The following RNF207 variants were observed in gnomAD, a reference collection of about 807,000 sequenced individuals.
RNF207 encodes ring finger protein 207.
Under a neutral mutation model 79.0 loss-of-function variants are expected in RNF207, and 72 were observed. The observed-to-expected ratio is 0.91, with a 90% confidence interval of 0.75 to 1.11. The LOEUF (loss-of-function observed/expected upper bound fraction) is 1.11. Ranked by LOEUF, RNF207 falls within the 50% of genes least tolerant of loss-of-function variation. The pLI, the probability that RNF207 is intolerant of heterozygous loss-of-function variation, is 0.00. For missense variants in RNF207, 936 were observed against 855.8 expected (o/e 1.09, Z -1.17); for synonymous variants, 348 against 366.2 (o/e 0.95, Z 0.57).
At position 6,211,862 on chromosome 1, in the gene RNF207, C is replaced by T; in HGVS notation, c.1110-5C>T. The T allele has an allele frequency of 6.5e-7, 1 of 1,547,200 alleles. No individual in the cohort carries two copies. Among genetic ancestry groups the T allele is most frequent in the Non-Finnish European group, 8.7e-7 (1 of 1,145,898 alleles). ...CCCCTGCATCCACACTGGCTCTCTC[C>T]CCAGGCTGGCAGGGGGCTTAGGCCC... On this transcript the variant is annotated splice_region_variant and splice_polypyrimidine_tract_variant and intron_variant, in intron 12 of 17. Transcript: ENST00000377939. This position sits in a 1 kb window ranked among gnomAD's most constrained non-coding sequence, Gnocchi z 4.2.
intron 7 of RNF207, 37 bp downstream of exon 7, chr1:6,209,576 G>T (rs1400030934): frequency 1.4e-6 from 2 of 1,431,742 alleles, no homozygotes; most frequent in Admixed American, 3.1e-5. Context: ...CGACCCAGCC[G>T]GGACCTGGTG....
At chr1:6,218,483 C>A in intron 17 of RNF207, 114 bp downstream of exon 17, 2 of 734,008 alleles carry the variant, frequency 2.7e-6, no homozygotes, top group Non-Finnish European at 4.5e-6. Context: ...GGGGCCCTGG[C>A]TGGGCCTCTT....
At chr1:6,206,816 A>T in intron 2 of RNF207, 90 bp downstream of exon 2, 1 of 1,071,620 alleles carries the variant, frequency 9.3e-7, no homozygotes, top group South Asian at 1.5e-5. Context: ...AGGTGCCAGG[A>T]GAGTAAGGCT....
intron 14 of RNF207, 64 bp downstream of exon 14, chr1:6,212,480 A>T: frequency 6.7e-7 from 1 of 1,485,954 alleles, no homozygotes; most frequent in Non-Finnish European, 9.2e-7. Context: ...CTACCCTAAG[A>T]CAGTAAGCGG....
At chr1:6,213,240 G>A (rs765249400) in intron 16 of RNF207, 57 bp downstream of exon 16, 1 of 1,170,528 alleles carries the variant, frequency 8.5e-7, no homozygotes. Context: ...GTGCATGGGG[G>A]CTGGGTGCGG....
In RNF207 at chr1:6,206,638, C is replaced by A; in HGVS notation, c.103C>A (p.Pro35Thr). The change falls in exon 2 of 18, where the codon CCG (proline) becomes ACG (threonine). Residue 35 changes from proline (P) to threonine (T), a missense_variant. Transcript: ENST00000377939. Reference protein sequence around the residue: ...CPLCHVQYERPCLLDCFHDFC... With the variant: ...CPLCHVQYERTCLLDCFHDFC... ...GCTGTGCCACGTGCAGTACGAGCGCCCGTGTCTTCTGGACTGTTTCCACGA... is the reference window on the plus strand; with the variant it reads ...GCTGTGCCACGTGCAGTACGAGCGCACGTGTCTTCTGGACTGTTTCCACGA... 1.2e-6 allele frequency: 2 copies of A among 1,608,284 alleles called. No homozygotes were observed. The highest frequency in any genetic ancestry group is 1.7e-6 in the Non-Finnish European group (2 of 1,179,852).
intron 6 of RNF207, 32 bp from the exon 7 acceptor site, chr1:6,209,382 C>A: frequency 1.3e-6 from 2 of 1,524,738 alleles, no homozygotes; most frequent in South Asian, 1.2e-5. Flanking sequence ...CGCGCGGCGG[C>A]GATCGCGAGC....
chr1:6,210,246 C>A lies in RNF207; in HGVS notation c.824C>A (p.Ala275Asp), dbSNP rs148563561. 19 of 1,613,694 alleles carry A rather than the reference C, an allele frequency of 1.2e-5. No homozygotes were observed. In the South Asian group the frequency reaches 1.4e-4, roughly 12 times the overall value. ...AGCCAATACGAAGAGAAGGACAAGG[C>A]CTTCAAGGAGCAGCTCTCTCACTTG... ...VQSQYEEKDKAFKEQLSHLAT... is the reference protein window; with the variant it reads ...VQSQYEEKDKDFKEQLSHLAT... Residue 275 changes from alanine to aspartate, a missense_variant, in exon 9 of 18, where the codon GCC (alanine) becomes GAC (aspartate). Transcript: ENST00000377939.
chr1:6,209,274 C>G lies in RNF207; in HGVS notation c.558C>G (p.Ser186Arg). ...IRCFRDMQKE[S>R]RAHCVDLESA... Reference sequence around the variant, plus strand: ...CACCCGCCGCCTTCTGCAGGGAGAGCCGGGCACACTGCGTGGACCTGGAAT... The same window carrying G: ...CACCCGCCGCCTTCTGCAGGGAGAGGCGGGCACACTGCGTGGACCTGGAAT... The change falls in exon 6 of 18, where the codon AGC (serine) becomes AGG (arginine). Residue 186 changes from serine (S) to arginine (R), a missense_variant. Physicochemically the swap from Ser to Arg is moderately radical, Grantham distance 110 (BLOSUM62 -1). Transcript: ENST00000377939. 1 of 1,549,104 alleles carries G rather than the reference C, an allele frequency of 6.5e-7. No homozygotes were observed. The highest frequency in any genetic ancestry group is 1.2e-5 in the South Asian group (1 of 84,040).
At position 6,219,256 on chromosome 1, in the gene RNF207, C is replaced by T. The variant is rs200882245; in HGVS notation, c.1754C>T (p.Pro585Leu). ...TTTAGGAATAATCCAGGAAGTGTCC[C>T]GGAAAAGAGAGAGAAGACATCAGAG... The part of the protein sequence containing the change: ...ASARNNPGSV[P>L]EKREKTSEPK... The change falls in exon 18 of 18, where the codon CCG (proline) becomes CTG (leucine). Residue 585 changes from proline to leucine, a missense_variant. Coordinates refer to ENST00000377939, the MANE Select transcript of RNF207 (RefSeq NM_207396.3). 2,854 of 1,610,812 alleles carry T rather than the reference C, an allele frequency of 1.8e-3. 3 individuals are homozygous for T. Among genetic ancestry groups the T allele is most frequent in the Non-Finnish European group, 2.2e-3 (2,605 of 1,178,664 alleles).
At chr1:6,209,239 G>C (rs77916877) in intron 5 of RNF207, 29 bp from the exon 6 acceptor site, 1 of 1,549,796 alleles carries the variant, frequency 6.5e-7, no homozygotes, top group Non-Finnish European at 8.7e-7. Flanking sequence ...GGGGCCGCTG[G>C]AGCGGGCCTC....
At position 6,207,623 on chromosome 1, in the gene RNF207, T is replaced by C. The variant is rs751966632; in HGVS notation, c.324+112T>C. ...CAGAGGACGACCTGGCAGTGGATTC[T>C]CCAGCACCTCCCTAGGGCACCTTGG... is the stretch of plus-strand genomic sequence containing the variant. On this transcript the variant is annotated intron_variant, in intron 3 of 17. Coordinates refer to ENST00000377939, the MANE Select transcript of RNF207 (RefSeq NM_207396.3). This position sits in a 1 kb window ranked among gnomAD's most constrained non-coding sequence, Gnocchi z 4.5. The C allele has an allele frequency of 2.0e-4, 245 of 1,228,910 alleles. No individual in the cohort carries two copies. Among genetic ancestry groups the C allele is most frequent in the Admixed American group, 4.7e-4 (24 of 50,598 alleles). 76.1% of individuals were successfully genotyped at this position (1,228,910 alleles called of 1,614,324 possible). A position where few individuals can be genotyped will look rare whatever the true frequency, so the allele number is the denominator to read the frequency against.
rs1272572572 is a variant in RNF207 at position 6,211,076 on chromosome 1, T to A, written c.1067T>A (p.Leu356Gln). 1.9e-6 allele frequency: 3 copies of A among 1,606,038 alleles called. No homozygotes were observed. Among genetic ancestry groups the A allele is most frequent in the Non-Finnish European group, 2.5e-6 (3 of 1,179,034 alleles). The change falls in exon 12 of 18, where the codon CTG (leucine) becomes CAG (glutamine). Residue 356 changes from leucine (L) to glutamine (Q), a missense_variant. Leu to Gln is a moderately radical substitution (Grantham distance 113). Coordinates refer to ENST00000377939, the MANE Select transcript of RNF207 (RefSeq NM_207396.3). The surrounding 1 kb of genome is among the most constrained non-coding windows in gnomAD (Gnocchi z 4.2). ...FARCLEPLLL[L>Q]GPRRVAAAAS... Reference sequence around the variant, plus strand: ...CGCTGTCTGGAGCCACTGCTGCTGCTGGGGCCACGTCGGGTGGCAGCTGCT... The same window carrying A: ...CGCTGTCTGGAGCCACTGCTGCTGCAGGGGCCACGTCGGGTGGCAGCTGCT...
chr1:6,214,566 C>G (rs1473925163), intron 16 of RNF207, among the ~76,000 whole-genome samples: 2 of 148,498 alleles, frequency 1.3e-5, no homozygotes, highest in Non-Finnish European at 3.0e-5. Flanking sequence ...ACACGCCTGG[C>G]TAATTTTTGT....
chr1:6,207,580 A>C lies in RNF207; in HGVS notation c.324+69A>C, dbSNP rs773684928. 51 of 1,503,020 alleles carry C rather than the reference A, an allele frequency of 3.4e-5. No individual in the cohort carries two copies. Among genetic ancestry groups the C allele is most frequent in the Non-Finnish European group, 4.5e-5 (50 of 1,110,244 alleles). 93.1% of individuals were successfully genotyped at this position (1,503,020 alleles called of 1,614,324 possible). On this transcript the variant is annotated intron_variant, in intron 3 of 17. Transcript: ENST00000377939. The surrounding 1 kb of genome is among the most constrained non-coding windows in gnomAD (Gnocchi z 4.5). Reference sequence around the variant, plus strand: ...GTTGCACAGTCCCCAATGCTTGCACATGCACTCAGCATGTCTTCAGAGGAC... The same window carrying C: ...GTTGCACAGTCCCCAATGCTTGCACCTGCACTCAGCATGTCTTCAGAGGAC...
intron 16 of RNF207, among the ~76,000 whole-genome samples, chr1:6,214,982 A>G (rs1477363701): frequency 1.4e-5 from 2 of 148,054 alleles, no homozygotes; most frequent in Non-Finnish European, 3.0e-5. Flanking sequence ...CTATTGTTGG[A>G]TATTGGCTCC....
At position 6,209,135 on chromosome 1, in the gene RNF207, C is replaced by T. The variant is rs753453894; in HGVS notation, c.490C>T (p.Leu164Phe). The T allele has an allele frequency of 1.5e-5, 24 of 1,556,632 alleles. No individual in the cohort carries two copies. The South Asian group carries it at 2.8e-4, about 18-fold the overall frequency. The change falls in exon 5 of 18, where the codon CTC becomes TTC. Residue 164 changes from leucine (L) to phenylalanine (F), a missense_variant. Leu to Phe is a conservative substitution (Grantham distance 22). Coordinates refer to ENST00000377939, the MANE Select transcript of RNF207 (RefSeq NM_207396.3). ...CGCAGCGCTGCACGCAGAGCCCTAC[C>T]TCTTGTTCTCCACCGACAAGAAGTT... is the stretch of plus-strand genomic sequence containing the variant. Reference protein sequence around the residue: ...QKCTLHAEPYLLFSTDKKLLL... With the variant: ...QKCTLHAEPYFLFSTDKKLLL...
rs970693121 is a variant in RNF207 at position 6,207,177 on chromosome 1, T to C, written c.192-202T>C. Among the ~76,000 whole-genome samples, 17 of 152,194 alleles carry C rather than the reference T, an allele frequency of 1.1e-4. No homozygotes were observed. Among genetic ancestry groups the C allele is most frequent in the African/African-American group, 3.4e-4 (14 of 41,446 alleles). ...ATACTAGGGGACCAACCCCACTGTC[T>C]GCAGGAGTGCCCAGGACTGGGCAAG... On this transcript the variant is annotated intron_variant, in intron 2 of 17. Transcript: ENST00000377939. This position sits in a 1 kb window ranked among gnomAD's most constrained non-coding sequence, Gnocchi z 4.5.
intron 15 of RNF207, 92 bp downstream of exon 15, chr1:6,212,825 A>G (rs1668229879): frequency 9.2e-7 from 1 of 1,085,758 alleles, no homozygotes; most frequent in Non-Finnish European, 1.4e-6. Flanking sequence ...CACTAACCAG[A>G]TGCAAATCCC....
Sources: allele counts gnomAD v4.1 joint callset (sites outside exome capture counted in the v4.1 genomes callset), GRCh38; gene constraint gnomAD v4.1.1; non-coding constraint Gnocchi (gnomAD v3.1); transcripts MANE v1.5; gene names NCBI Gene and HGNC (gene_info 2026-07-23, HGNC 2026-07-21).